MTMR7: variants seen among roughly 807,000 people sequenced by gnomAD.
The protein encoded by MTMR7 is phosphatidylinositol-3-phosphate phosphatase MTMR7.
A neutral mutation model predicts 81.2 loss-of-function variants in MTMR7; 76 were observed. That is an observed-to-expected ratio of 0.94 (90% CI 0.78 to 1.13). MTMR7 has a LOEUF of 1.13. MTMR7 is among the 50% of genes most tolerant of loss of function. The pLI, the probability that MTMR7 is intolerant of heterozygous loss-of-function variation, is 0.00. For synonymous variants in MTMR7, 372 were observed against 289.8 expected (o/e 1.28, Z -2.88); for missense variants, 1,044 against 820.0 (o/e 1.27, Z -3.34).
rs1167600380 is a variant in MTMR7 at position 17,298,281 on chromosome 8, T to C, written c.*1581A>G. 6.6e-6 allele frequency: 1 copy of C among 152,098 alleles called. No individual in the cohort carries two copies. Among genetic ancestry groups the C allele is most frequent in the East Asian group, 1.9e-4 (1 of 5,192 alleles). The allele number at this position is 152,098 out of a possible 1,614,324, so 9.4% of individuals were successfully genotyped here. On this transcript the variant is annotated 3_prime_UTR_variant, in exon 14 of 14. Transcript: ENST00000180173. ...GAAAATGAATAAACATTCCTTGTAC[T>C]TAATTTGGGAACTGCTCAGCAGAGA... is the stretch of plus-strand genomic sequence containing the variant.
In MTMR7 at chr8:17,299,923, G is replaced by T. The variant is rs1318307590; in HGVS notation, c.1922C>A (p.Ala641Glu). Residue 641 changes from alanine to glutamate, a missense_variant, in exon 14 of 14, where the codon GCA (alanine) becomes GAA (glutamate). Physicochemically the swap from Ala to Glu is moderately radical, Grantham distance 107. Coordinates refer to ENST00000180173, the MANE Select transcript of MTMR7 (RefSeq NM_004686.5). ...GTCCTTGCCACTATCTTCACTCGGT[G>T]CATGCTCACCACCACTTGGAGACCG... ...SCRSPSGGEH[A>E]PSEDSGKDRD... The T allele has an allele frequency of 6.2e-7, 1 of 1,614,020 alleles. No individual in the cohort carries two copies. Among genetic ancestry groups the T allele is most frequent in the Non-Finnish European group, 8.5e-7 (1 of 1,180,006 alleles).
chr8:17,327,572 C>T (rs1421146557), intron 7 of MTMR7, among the ~76,000 whole-genome samples: 5 of 152,130 alleles, frequency 3.3e-5, no homozygotes, highest in Non-Finnish European at 7.4e-5. Flanking sequence ...CATGAGCCTC[C>T]ATGCCCTTCC....
At chr8:17,306,598 C>G (rs1018427070) in intron 10 of MTMR7, among the ~76,000 whole-genome samples, 3 of 152,142 alleles carry the variant, frequency 2.0e-5, no homozygotes, top group African/African-American at 2.4e-5. Flanking sequence ...TAGCCCTTTA[C>G]ACTACTGTGT....
intron 10 of MTMR7, among the ~76,000 whole-genome samples, chr8:17,307,369 T>G (rs1009979062): frequency 6.6e-6 from 1 of 152,130 alleles, no homozygotes; most frequent in African/African-American, 2.4e-5. Flanking sequence ...TGGCGATCAT[T>G]AAAAAGTCAG....
chr8:17,397,356 G>A (rs1300652854), intron 1 of MTMR7, among the ~76,000 whole-genome samples: 1 of 152,066 alleles, frequency 6.6e-6, no homozygotes, highest in African/African-American at 2.4e-5. Context: ...CTGAAGGGTG[G>A]GCTCCAAGCC....
chr8:17,358,323 T>C (rs1452211121), intron 4 of MTMR7, among the ~76,000 whole-genome samples: 1 of 152,150 alleles, frequency 6.6e-6, no homozygotes, highest in Non-Finnish European at 1.5e-5. Context: ...AAAAGGGATA[T>C]GTGAAACTGA....
chr8:17,341,598 T>C (rs1208715746), intron 5 of MTMR7, 101 bp from the exon 6 acceptor site: 3 of 1,398,260 alleles, frequency 2.1e-6, no homozygotes, highest in South Asian at 1.3e-5. Flanking sequence ...GGCTCACTGA[T>C]AGTCCACCTC....
chr8:17,343,642 T>A (rs916300578), intron 5 of MTMR7, among the ~76,000 whole-genome samples: 3 of 152,244 alleles, frequency 2.0e-5, no homozygotes, highest in East Asian at 1.9e-4. Context: ...AACAGCTAGT[T>A]TTAAATGAGG....
intron 3 of MTMR7, among the ~76,000 whole-genome samples, chr8:17,369,353 G>T (rs1302182995): frequency 6.6e-6 from 1 of 152,154 alleles, no homozygotes; most frequent in Admixed American, 6.6e-5. Context: ...AAAACTACCA[G>T]ATTTTGACAG....
intron 1 of MTMR7, among the ~76,000 whole-genome samples, chr8:17,381,192 T>TTG (rs1820747732): frequency 6.6e-6 from 1 of 152,162 alleles, no homozygotes; most frequent in Non-Finnish European, 1.5e-5. Context: ...TCTTCCTCTG[T>TTG]TGGGGTTAGA....
intron 1 of MTMR7, among the ~76,000 whole-genome samples, chr8:17,407,471 T>C (rs1821621822): frequency 6.6e-6 from 1 of 152,136 alleles, no homozygotes; most frequent in African/African-American, 2.4e-5. Context: ...TTTGACACAG[T>C]AATTCCATCT....
chr8:17,310,919 T>C (rs1481632674), intron 9 of MTMR7, among the ~76,000 whole-genome samples: 1 of 152,166 alleles, frequency 6.6e-6, no homozygotes, highest in Non-Finnish European at 1.5e-5. Flanking sequence ...CTATATACAA[T>C]ACTCTGTAGT....
intron 1 of MTMR7, among the ~76,000 whole-genome samples, chr8:17,388,862 G>C (rs1821022036): frequency 1.3e-5 from 2 of 152,186 alleles, no homozygotes; most frequent in South Asian, 4.1e-4. Context: ...ACATTCCCAT[G>C]CCTCACTCCT....
intron 6 of MTMR7, among the ~76,000 whole-genome samples, chr8:17,340,987 T>C (rs544749319): frequency 3.3e-5 from 5 of 152,314 alleles, no homozygotes; most frequent in African/African-American, 7.2e-5. Context: ...TTCGCAACAA[T>C]TGAACTGCTG....
At chr8:17,369,254 T>C (rs1225239243) in intron 3 of MTMR7, among the ~76,000 whole-genome samples, 1 of 152,240 alleles carries the variant, frequency 6.6e-6, no homozygotes, top group Non-Finnish European at 1.5e-5. Flanking sequence ...AAAGTTCAAC[T>C]GCTTTTCTGC....
intron 1 of MTMR7, among the ~76,000 whole-genome samples, chr8:17,377,499 C>T (rs559562923): frequency 6.6e-6 from 1 of 152,120 alleles, no homozygotes; most frequent in South Asian, 2.1e-4. Flanking sequence ...GATATATCAA[C>T]TTTATTTTTC....
chr8:17,347,364 A>G (rs1352323317), intron 5 of MTMR7, among the ~76,000 whole-genome samples: 1 of 152,160 alleles, frequency 6.6e-6, no homozygotes, highest in Non-Finnish European at 1.5e-5. Flanking sequence ...CAATTCACAG[A>G]ACTTTCACCA....
At chr8:17,384,024 G>A (rs772305571) in intron 1 of MTMR7, among the ~76,000 whole-genome samples, 4 of 152,136 alleles carry the variant, frequency 2.6e-5, no homozygotes, top group Admixed American at 1.3e-4. Flanking sequence ...TTTCAAGTTG[G>A]AGTTCAGAGT....
At position 17,309,326 on chromosome 8, in the gene MTMR7, C is replaced by G. The variant is rs1817661216; in HGVS notation, c.1102G>C (p.Val368Leu). 6.4e-7 allele frequency: 1 copy of G among 1,555,322 alleles called. No homozygotes were observed. Reference sequence around the variant, plus strand: ...GAAATCCAGTCCTTTTCAATTAATACCTACACAAGAAAGAATACAAATATC... The same window carrying G: ...GAAATCCAGTCCTTTTCAATTAATAGCTACACAAGAAAGAATACAAATATC... ...PHYRTLKGFM[V>L]LIEKDWISFG... The change falls in exon 10 of 14, where the codon GTA (valine) becomes CTA (leucine). Residue 368 changes from valine to leucine, a missense_variant and splice_region_variant. Coordinates refer to ENST00000180173, the MANE Select transcript of MTMR7 (RefSeq NM_004686.5).
Sources: allele counts gnomAD v4.1 joint callset (sites outside exome capture counted in the v4.1 genomes callset), GRCh38; gene constraint gnomAD v4.1.1; transcripts MANE v1.5; gene names NCBI Gene and HGNC (gene_info 2026-07-23, HGNC 2026-07-21).